The following STARD13 variants were observed in gnomAD, a reference collection of about 807,000 sequenced individuals.
The protein encoded by STARD13 is StAR related lipid transfer domain containing 13.
STARD13 carries 62 observed loss-of-function variants against 106.4 expected under a neutral mutation model. The observed-to-expected ratio is 0.58, with a 90% confidence interval of 0.48 to 0.72. The LOEUF (loss-of-function observed/expected upper bound fraction) is 0.72. STARD13 is among the 30% of genes least tolerant of loss of function. The pLI is 0.00. For synonymous variants in STARD13, 565 were observed against 553.0 expected, an observed-to-expected ratio of 1.02 and a Z score of -0.31; for missense variants, 1,387 against 1,424.0, an observed-to-expected ratio of 0.97 and a Z score of 0.42.
intron 12 of STARD13, 31 bp downstream of exon 12, chr13:33,109,842 A>C: frequency 6.2e-7 from 1 of 1,608,774 alleles, no homozygotes; most frequent in Non-Finnish European, 8.5e-7. Context: ...CCTTTGGAAC[A>C]GAACATCATA....
the STARD13 span, among the ~76,000 whole-genome samples, chr13:33,357,741 G>A: frequency 6.6e-6 from 1 of 152,192 alleles, no homozygotes; most frequent in Admixed American, 6.5e-5. Flanking sequence ...GACCAGCCTG[G>A]CCAACATATG....
the STARD13 span, among the ~76,000 whole-genome samples, chr13:33,497,378 T>C: frequency 1.3e-5 from 2 of 152,162 alleles, no homozygotes; most frequent in Non-Finnish European, 2.9e-5. Flanking sequence ...GAAATTTCAT[T>C]TCCTCTATCA....
intron 1 of STARD13, among the ~76,000 whole-genome samples, chr13:33,189,156 A>C (rs1886021634): frequency 1.3e-5 from 2 of 152,154 alleles, no homozygotes; most frequent in Non-Finnish European, 2.9e-5. Flanking sequence ...TAAAACCATA[A>C]GGAAGAACTA....
chr13:33,255,871 C>T (rs1256661842), intron 1 of STARD13, among the ~76,000 whole-genome samples: 1 of 152,214 alleles, frequency 6.6e-6, no homozygotes, highest in Non-Finnish European at 1.5e-5. Context: ...CCCTTCTGCT[C>T]ATGTTCCCCA....
chr13:33,458,277 GTTT>G, the STARD13 span, among the ~76,000 whole-genome samples: 3 of 144,020 alleles, frequency 2.1e-5, no homozygotes, highest in Non-Finnish European at 1.5e-5. Flanking sequence ...GTTTTTTGTT[GTTT>G]TTTTTTTTTT....
intron 3 of STARD13, among the ~76,000 whole-genome samples, chr13:33,158,959 C>T (rs1364255931): frequency 2.6e-5 from 4 of 152,180 alleles, no homozygotes; most frequent in East Asian, 3.8e-4. Flanking sequence ...ACAGCTCCTA[C>T]GCCCTGAGAA....
chr13:33,440,415 G>T, the STARD13 span, among the ~76,000 whole-genome samples: 1 of 152,036 alleles, frequency 6.6e-6, no homozygotes, highest in Non-Finnish European at 1.5e-5. Flanking sequence ...CTGCGTCACT[G>T]TGTCTCTCAG....
intron 3 of STARD13, among the ~76,000 whole-genome samples, chr13:33,152,795 T>C (rs918294077): frequency 6.6e-6 from 1 of 152,174 alleles, no homozygotes; most frequent in Non-Finnish European, 1.5e-5. Flanking sequence ...GCACAAGCCT[T>C]GAAATAAAAG....
chr13:33,253,755 A>G (rs17078883), intron 1 of STARD13, among the ~76,000 whole-genome samples: 3,054 of 152,244 alleles, frequency 0.02, 119 homozygotes, highest in African/African-American at 0.071. Context: ...GGTAGCTCTG[A>G]TTTATAAGCG....
At chr13:33,663,407 A>C in the STARD13 span, among the ~76,000 whole-genome samples, 1 of 152,248 alleles carries the variant, frequency 6.6e-6, no homozygotes, top group African/African-American at 2.4e-5. Flanking sequence ...TGAAATGCTT[A>C]GCTGCTAGGG....
chr13:33,435,817 T>C, the STARD13 span, among the ~76,000 whole-genome samples: 1 of 152,172 alleles, frequency 6.6e-6, no homozygotes, highest in African/African-American at 2.4e-5. Flanking sequence ...TAAATTGAAG[T>C]TATAATTTCA....
At chr13:33,481,374 G>A in the STARD13 span, among the ~76,000 whole-genome samples, 1 of 152,104 alleles carries the variant, frequency 6.6e-6, no homozygotes, top group Non-Finnish European at 1.5e-5. Flanking sequence ...CCAGATATTA[G>A]ATGTCTCTTA....
the STARD13 span, among the ~76,000 whole-genome samples, chr13:33,428,475 A>G: frequency 2.0e-5 from 3 of 152,192 alleles, no homozygotes; most frequent in Non-Finnish European, 4.4e-5. Context: ...CTCAACAACA[A>G]TGAAAACCCC....
chr13:33,538,145 T>C, the STARD13 span, among the ~76,000 whole-genome samples: 1 of 152,182 alleles, frequency 6.6e-6, no homozygotes, highest in Non-Finnish European at 1.5e-5. Context: ...ACCCCGCCTC[T>C]GAACCGTGAA....
the STARD13 span, among the ~76,000 whole-genome samples, chr13:33,424,996 C>G: frequency 6.6e-6 from 1 of 152,154 alleles, no homozygotes; most frequent in East Asian, 1.9e-4. Context: ...CTTTGAGCTG[C>G]TGATTGTTAC....
At chr13:33,637,014 C>T in the STARD13 span, among the ~76,000 whole-genome samples, 2 of 152,214 alleles carry the variant, frequency 1.3e-5, no homozygotes, top group Non-Finnish European at 2.9e-5. Context: ...GTGAGCAACA[C>T]ACTACTCCTG....
the STARD13 span, among the ~76,000 whole-genome samples, chr13:33,453,115 A>T: frequency 6.6e-6 from 1 of 152,312 alleles, no homozygotes; most frequent in Non-Finnish European, 1.5e-5. Context: ...CTTGGCCTTT[A>T]GTCTTGTTTT....
At chr13:33,276,080 G>A (rs1045560027) in intron 1 of STARD13, 4 of 152,180 alleles carry the variant, frequency 2.6e-5, no homozygotes, top group Non-Finnish European at 4.4e-5. Flanking sequence ...CTTCTAGGAA[G>A]TCAGTGATAA....
chr13:33,186,990 T>C (rs574965657), intron 1 of STARD13, among the ~76,000 whole-genome samples: 1 of 152,296 alleles, frequency 6.6e-6, no homozygotes, highest in South Asian at 2.1e-4. Context: ...CCACTAATGC[T>C]GATGTCATTG....
Sources: gnomAD v4.1 joint callset for allele counts (sites outside exome capture counted in the v4.1 genomes callset) on GRCh38, gnomAD v4.1.1 for gene constraint, MANE v1.5 for transcripts, NCBI Gene and HGNC (gene_info 2026-07-23, HGNC 2026-07-21) for gene names.